RAB3GAP1: variants seen among roughly 807,000 people sequenced by gnomAD.
RAB3GAP1 encodes rab3 GTPase-activating protein catalytic subunit.
In RAB3GAP1, 86 loss-of-function variants were observed where a neutral mutation model predicts 130.7. The observed-to-expected ratio is 0.66, with a 90% confidence interval of 0.55 to 0.79. The LOEUF (loss-of-function observed/expected upper bound fraction) is 0.79, where lower values mean the gene tolerates loss of function less well. Among genes scored for constraint, RAB3GAP1 ranks in the 30% least tolerant of loss-of-function variants. RAB3GAP1 has a pLI of 0.00. For missense variants in RAB3GAP1, 1,029 were observed against 1,169.4 expected, an observed-to-expected ratio of 0.88 and a Z score of 1.75; for synonymous variants, 367 against 401.7, an observed-to-expected ratio of 0.91 and a Z score of 1.03.
At chr2:135,164,951 T>C (rs1692590879) in intron 23 of RAB3GAP1, among the ~76,000 whole-genome samples, 1 of 152,202 alleles carries the variant, frequency 6.6e-6, no homozygotes, top group South Asian at 2.1e-4. Context: ...AATCCATTGT[T>C]ATAGAAGCTG....
chr2:135,159,271 G>C (rs1692401697), intron 19 of RAB3GAP1, among the ~76,000 whole-genome samples: 1 of 152,196 alleles, frequency 6.6e-6, no homozygotes, highest in South Asian at 2.1e-4. Flanking sequence ...TCCTCCCAGA[G>C]AGTACAGTGC....
At chr2:135,074,963 C>T (rs1377196129) in intron 3 of RAB3GAP1, among the ~76,000 whole-genome samples, 2 of 152,134 alleles carry the variant, frequency 1.3e-5, no homozygotes, top group African/African-American at 2.4e-5. Context: ...TTAGTTGTCT[C>T]TTGGAACAGT....
At chr2:135,137,819 GT>G (rs371363437) in intron 17 of RAB3GAP1, among the ~76,000 whole-genome samples, 8 of 144,420 alleles carry the variant, frequency 5.5e-5, no homozygotes, top group African/African-American at 7.6e-5. Flanking sequence ...GTTTTGTTTT[GT>G]TTTTTTTTTG....
intron 9 of RAB3GAP1, among the ~76,000 whole-genome samples, chr2:135,125,511 CTAA>C (rs1226475750): frequency 1.3e-5 from 2 of 152,158 alleles, no homozygotes; most frequent in South Asian, 2.1e-4. Context: ...ACAATAATAA[CTAA>C]TAATAACATA....
At chr2:135,069,224 G>A (rs1466710538) in intron 3 of RAB3GAP1, among the ~76,000 whole-genome samples, 1 of 152,158 alleles carries the variant, frequency 6.6e-6, no homozygotes, top group Non-Finnish European at 1.5e-5. Flanking sequence ...TGTTCCCTTT[G>A]TATAAGATAT....
chr2:135,136,046 C>T, intron 17 of RAB3GAP1, 114 bp downstream of exon 17: 1 of 1,417,092 alleles, frequency 7.1e-7, no homozygotes, highest in Non-Finnish European at 9.9e-7. Flanking sequence ...TATGTTTAGG[C>T]CAGATGCGGT....
intron 7 of RAB3GAP1, among the ~76,000 whole-genome samples, chr2:135,117,201 A>AT (rs1036543957): frequency 6.6e-6 from 1 of 152,140 alleles, no homozygotes; most frequent in African/African-American, 2.4e-5. Flanking sequence ...TTCCGTGTAT[A>AT]TATGTAATTT....
In RAB3GAP1 at chr2:135,135,641, A is replaced by G. The variant is rs1230860952; in HGVS notation, c.1632A>G (p.Ile544Met). The G allele has an allele frequency of 2.5e-6, 4 of 1,613,098 alleles. No individual in the cohort carries two copies. The African/African-American group carries it at 4.0e-5, about 16-fold the overall frequency. The change falls in exon 17 of 24, where the codon ATA becomes ATG. Residue 544 changes from isoleucine to methionine, a missense_variant. By Grantham distance (10) the Ile-to-Met change is conservative (BLOSUM62 1). This residue lies in a region of RAB3GAP1 where 373 missense variants were observed against 493.6 expected (regional missense o/e 0.76). Coordinates refer to ENST00000264158, the MANE Select transcript of RAB3GAP1 (RefSeq NM_012233.3). Reference sequence around the variant, plus strand: ...CAAGTGCTTCAGATGTCACTAATATATATCCAGGGGATGCTGGAAAAGCAG... The same window carrying G: ...CAAGTGCTTCAGATGTCACTAATATGTATCCAGGGGATGCTGGAAAAGCAG... ...KKTSASDVTN[I>M]YPGDAGKAGD...
chr2:135,074,698 A>G (rs892069642), intron 3 of RAB3GAP1, among the ~76,000 whole-genome samples: 1 of 152,220 alleles, frequency 6.6e-6, no homozygotes, highest in African/African-American at 2.4e-5. Context: ...GGTTGGGGCC[A>G]GTGTCATGGG....
In RAB3GAP1 at chr2:135,089,478, G is replaced by A. The variant is rs184990106; in HGVS notation, c.151-1520G>A. Among the ~76,000 whole-genome samples the A allele has an allele frequency of 3.2e-4, 49 of 152,326 alleles. 1 individual carries two copies. In the East Asian group the frequency reaches 5.8e-3, roughly 18 times the overall value. On this transcript the variant is annotated intron_variant, in intron 3 of 23. Coordinates refer to ENST00000264158, the MANE Select transcript of RAB3GAP1 (RefSeq NM_012233.3). ...TTGAATCTATAAATTCCTTTGGGCA[G>A]TGTGGCCATTTTCATAGTATTGATT...
chr2:135,090,525 A>G (rs1441781855), intron 3 of RAB3GAP1, among the ~76,000 whole-genome samples: 1 of 152,182 alleles, frequency 6.6e-6, no homozygotes, highest in East Asian at 1.9e-4. Flanking sequence ...CTTAATTAAT[A>G]TATGTTTTTC....
chr2:135,169,012 T>G lies in RAB3GAP1; in HGVS notation c.*231T>G. The G allele has an allele frequency of 9.4e-6, 3 of 317,742 alleles. No individual in the cohort carries two copies. The highest frequency in any genetic ancestry group is 2.4e-5 in the South Asian group (1 of 41,232). The allele number at this position is 317,742 out of a possible 1,614,324, so 19.7% of individuals were successfully genotyped here. A position where few individuals can be genotyped will look rare whatever the true frequency, so the allele number is the denominator to read the frequency against. On this transcript the variant is annotated 3_prime_UTR_variant, in exon 24 of 24. Transcript: ENST00000264158. The stretch of plus-strand genomic sequence containing the variant: ...TGTTGAGAGATTTCTGCCCTAGAGA[T>G]GGCCTTTGTATATGGGGGGGTGGTG...
chr2:135,114,578 G>A (rs1690910361), intron 6 of RAB3GAP1, among the ~76,000 whole-genome samples: 1 of 152,120 alleles, frequency 6.6e-6, no homozygotes, highest in African/African-American at 2.4e-5. Context: ...ACAGACTTGG[G>A]TTCCTTCGAG....
chr2:135,149,288 T>C (rs1692095996), intron 17 of RAB3GAP1, among the ~76,000 whole-genome samples: 1 of 152,208 alleles, frequency 6.6e-6, no homozygotes, highest in African/African-American at 2.4e-5. Context: ...GACTGAAATA[T>C]TTTGAGAAGT....
At chr2:135,127,013 C>A (rs980675047) in intron 11 of RAB3GAP1, among the ~76,000 whole-genome samples, 2 of 151,800 alleles carry the variant, frequency 1.3e-5, no homozygotes, top group Non-Finnish European at 2.9e-5. Context: ...GTAGCTGGGA[C>A]TACAGACGTG....
intron 17 of RAB3GAP1, among the ~76,000 whole-genome samples, chr2:135,147,376 A>C (rs1476390493): frequency 1.3e-5 from 2 of 152,142 alleles, no homozygotes; most frequent in South Asian, 2.1e-4. Flanking sequence ...TTAACAAAGG[A>C]AAAATGAAAG....
intron 3 of RAB3GAP1, among the ~76,000 whole-genome samples, chr2:135,089,184 A>G (rs542775685): frequency 4.4e-4 from 67 of 152,108 alleles, no homozygotes; most frequent in Middle Eastern, 3.4e-3. Flanking sequence ...CAGGTTTGTC[A>G]AAGATCAGAT....
At chr2:135,116,762 C>T (rs990316984) in intron 7 of RAB3GAP1, among the ~76,000 whole-genome samples, 4 of 152,036 alleles carry the variant, frequency 2.6e-5, no homozygotes, top group African/African-American at 9.7e-5. Context: ...ATGTCATATG[C>T]ATAATATGTG....
downstream of RAB3GAP1, chr2:135,175,687 A>C (rs1336911978): frequency 1.3e-5 from 2 of 152,204 alleles, no homozygotes; most frequent in Non-Finnish European, 2.9e-5. Context: ...CGGAGAGAAA[A>C]GACAAAAGCT....
Sources: allele counts gnomAD v4.1 joint callset (sites outside exome capture counted in the v4.1 genomes callset), GRCh38; gene constraint gnomAD v4.1.1; regional missense constraint gnomAD v4.1.1; transcripts MANE v1.5; gene names NCBI Gene and HGNC (gene_info 2026-07-23, HGNC 2026-07-21).